WNT7B: variants seen among roughly 807,000 people sequenced by gnomAD.
WNT7B encodes the protein protein Wnt-7b.
In WNT7B, 19 loss-of-function variants were observed where a neutral mutation model predicts 38.2. The observed-to-expected ratio is 0.50, with a 90% CI of 0.35 to 0.73. The LOEUF (loss-of-function observed/expected upper bound fraction) is 0.73. WNT7B is among the 30% of genes least tolerant of loss of function. WNT7B has a pLI of 0.01. For synonymous variants in WNT7B, 243 were observed against 209.3 expected (o/e 1.16, Z -1.39); for missense variants, 423 against 507.9 (o/e 0.83, Z 1.61).
chr22:45,958,793 T>C (rs892449347), intron 1 of WNT7B, among the ~76,000 whole-genome samples: 1 of 152,118 alleles, frequency 6.6e-6, no homozygotes, highest in African/African-American at 2.4e-5. Context: ...GGGGGCAGGA[T>C]GGGCAGAGTA....
At chr22:45,962,754 A>G (rs1932224931) in intron 1 of WNT7B, among the ~76,000 whole-genome samples, 1 of 152,220 alleles carries the variant, frequency 6.6e-6, no homozygotes, top group South Asian at 2.1e-4. Flanking sequence ...CAAGGATGGG[A>G]GTCCCAGTCC....
chr22:45,962,963 G>A (rs1194904452), intron 1 of WNT7B, among the ~76,000 whole-genome samples: 3 of 152,204 alleles, frequency 2.0e-5, no homozygotes, highest in African/African-American at 7.2e-5. Flanking sequence ...CCAGCGCCTC[G>A]GCCTTCCTGG....
chr22:45,924,753 C>T (rs1931025023), intron 3 of WNT7B, among the ~76,000 whole-genome samples: 1 of 143,136 alleles, frequency 7.0e-6, no homozygotes, highest in African/African-American at 2.7e-5. Context: ...GCCGGGCGGG[C>T]CCTAGGCTGG....
At chr22:45,925,001 C>G (rs1269155850) in intron 3 of WNT7B, 1 of 955,534 alleles carries the variant, frequency 1.0e-6, no homozygotes, top group Non-Finnish European at 1.2e-6. Flanking sequence ...CGGGCGGGCC[C>G]AAAGTCTCAT....
In WNT7B at chr22:45,948,827, CTTTTTTTTTTTTTTT is replaced by C. The variant is rs749735538; in HGVS notation, c.298+1078_298+1092del. On this transcript the variant is annotated intron_variant, in intron 2 of 3. Transcript: ENST00000339464. ...AACCCAGGTCAGGCTCCAAAGATCC[CTTTTTTTTTTTTTTT>C]TTTTTTTTTTTTTTTCCCCTGAGAC... Among the ~76,000 whole-genome samples, 58 of 90,164 alleles carry C rather than the reference CTTTTTTTTTTTTTTT, an allele frequency of 6.4e-4. 1 individual carries two copies. The highest frequency in any genetic ancestry group is 6.4e-3 in the East Asian group (15 of 2,352). The allele number at this position is 90,164 out of a possible 152,430, so 59.2% of individuals were successfully genotyped here.
intron 1 of WNT7B, among the ~76,000 whole-genome samples, chr22:45,967,410 C>T (rs1012519244): frequency 9.3e-6 from 1 of 107,820 alleles, no homozygotes; most frequent in Admixed American, 9.6e-5. Context: ...GCAGTGTGAG[C>T]CGTGAGGGCT....
intron 1 of WNT7B, among the ~76,000 whole-genome samples, chr22:45,960,823 G>A (rs1207249665): frequency 6.6e-6 from 1 of 152,244 alleles, no homozygotes; most frequent in East Asian, 1.9e-4. Flanking sequence ...TCCTTAGGTG[G>A]GCAGAGGGTT....
rs1277637187 is a variant in WNT7B, at chr22:45,951,211, G to A, written c.72-1065C>T. On this transcript the variant is annotated intron_variant, in intron 1 of 3. Coordinates refer to ENST00000339464, the MANE Select transcript of WNT7B (RefSeq NM_058238.3). The surrounding 1 kb of genome is among the most constrained non-coding windows in gnomAD (Gnocchi z 4.8). ...TTTTGCCTTAGCCTCCCGAGTAGCT[G>A]TACTACAGTTGCCCACCACCACACC... is the stretch of plus-strand genomic sequence containing the variant. Among the ~76,000 whole-genome samples the A allele has an allele frequency of 6.6e-6, 1 of 152,104 alleles. No homozygotes were observed. Among genetic ancestry groups the A allele is most frequent in the Non-Finnish European group, 1.5e-5 (1 of 68,028 alleles).
chr22:45,928,707 T>G (rs756118971), intron 3 of WNT7B, among the ~76,000 whole-genome samples: 4 of 152,120 alleles, frequency 2.6e-5, no homozygotes, highest in Admixed American at 6.5e-5. Context: ...AAGTCAGCCC[T>G]GGGGTTCACA....
chr22:45,932,419 C>CG (rs1555907795), intron 2 of WNT7B, among the ~76,000 whole-genome samples: 2 of 152,046 alleles, frequency 1.3e-5, no homozygotes, highest in African/African-American at 4.8e-5. Context: ...TTCCCAGACC[C>CG]CCCCCGCCAG....
At chr22:45,947,743 A>G (rs1263768282) in intron 2 of WNT7B, among the ~76,000 whole-genome samples, 2 of 152,206 alleles carry the variant, frequency 1.3e-5, no homozygotes, top group Admixed American at 6.5e-5. Context: ...AGTAGGGGCG[A>G]TCAAGGGTGT....
Position 45,923,008 on chromosome 22 carries a change from C to A in WNT7B, c.898G>T (p.Gly300Cys), listed in dbSNP as rs1037048705. Reference protein sequence around the residue: ...QGRLCNRTSPGADGCDTMCCG... With the variant: ...QGRLCNRTSPCADGCDTMCCG... ...CACATGGTGTCACAGCCGTCCGCGC[C>A]GGGCGACGTGCGGTTGCAGAGACGG... The change falls in exon 4 of 4, where the codon GGC becomes TGC. Residue 300 changes from glycine (G) to cysteine (C), a missense_variant. Physicochemically the swap from Gly to Cys is radical, Grantham distance 159. Around this residue, in one of 3 missense-constraint regions of WNT7B, gnomAD observed 158 missense variants for 214.7 expected, o/e 0.74. Coordinates refer to ENST00000339464, the MANE Select transcript of WNT7B (RefSeq NM_058238.3). 1 of 1,612,856 alleles carries A rather than the reference C, an allele frequency of 6.2e-7. No homozygotes were observed. The highest frequency in any genetic ancestry group is 1.3e-5 in the African/African-American group (1 of 74,936).
chr22:45,937,623 G>A (rs910113205), intron 2 of WNT7B, among the ~76,000 whole-genome samples: 8 of 152,228 alleles, frequency 5.3e-5, no homozygotes, highest in South Asian at 2.1e-4. Context: ...GGCAGTGCCC[G>A]CCAGCTGCCA....
At chr22:45,968,653 C>G (rs531020570) in intron 1 of WNT7B, among the ~76,000 whole-genome samples, 1 of 152,358 alleles carries the variant, frequency 6.6e-6, no homozygotes, top group Admixed American at 6.5e-5. Context: ...CACATTCTCC[C>G]CTTTAGCCAA....
intron 3 of WNT7B, among the ~76,000 whole-genome samples, chr22:45,928,317 C>T (rs1473689497): frequency 2.6e-5 from 4 of 152,196 alleles, no homozygotes; most frequent in Non-Finnish European, 5.9e-5. Context: ...CCCCACCCTA[C>T]ACCCACCTCC....
At chr22:45,953,757 G>T (rs1931994483) in intron 1 of WNT7B, among the ~76,000 whole-genome samples, 1 of 150,046 alleles carries the variant, frequency 6.7e-6, no homozygotes, top group South Asian at 2.1e-4. Flanking sequence ...GAAGAAGAAA[G>T]AAAAGAACAA....
At chr22:45,964,807 G>A (rs924793888) in intron 1 of WNT7B, among the ~76,000 whole-genome samples, 1 of 152,120 alleles carries the variant, frequency 6.6e-6, no homozygotes, top group Non-Finnish European at 1.5e-5. Context: ...CACTGAGGAG[G>A]AGGCAGGCAA....
chr22:45,974,768 G>C (rs1932517691), intron 1 of WNT7B, among the ~76,000 whole-genome samples: 1 of 152,054 alleles, frequency 6.6e-6, no homozygotes, highest in African/African-American at 2.4e-5. Flanking sequence ...GCTACACGGA[G>C]GCCCGGTGGG....
At chr22:45,948,940 C>T (rs989445243) in intron 2 of WNT7B, among the ~76,000 whole-genome samples, 1 of 151,038 alleles carries the variant, frequency 6.6e-6, no homozygotes, top group Admixed American at 6.6e-5. Context: ...TCTCCGCCTC[C>T]CGGATTCAAG....
Sources: gnomAD v4.1 joint callset for allele counts (sites outside exome capture counted in the v4.1 genomes callset) on GRCh38, gnomAD v4.1.1 for gene constraint, gnomAD v4.1.1 regional missense constraint, Gnocchi (gnomAD v3.1) non-coding constraint, MANE v1.5 for transcripts, NCBI Gene and HGNC (gene_info 2026-07-23, HGNC 2026-07-21) for gene names.